The following TNS3 variants were observed in gnomAD, a reference collection of about 807,000 sequenced individuals.
TNS3 encodes the protein tensin 3.
A neutral mutation model predicts 140.9 loss-of-function variants in TNS3; 45 were observed. That is an observed-to-expected ratio of 0.32 (90% CI 0.25 to 0.41). The LOEUF is 0.41. TNS3 is among the 10% of genes least tolerant of loss of function. The pLI is 1.00. For synonymous variants in TNS3, 815 were observed against 788.4 expected (o/e 1.03, Z -0.56); for missense variants, 1,716 against 1,906.7 (o/e 0.90, Z 1.86).
Position 47,318,808 on chromosome 7 carries a change from A to G in TNS3, c.2651-13805T>C, listed in dbSNP as rs138285163. ...CAGAGAAAGCTTCAGGCAGCTCAAGATGATACCGGCGAGGGTCTATGCCAA... is the reference window on the plus strand; with the variant it reads ...CAGAGAAAGCTTCAGGCAGCTCAAGGTGATACCGGCGAGGGTCTATGCCAA... On this transcript the variant is annotated intron_variant, in intron 20 of 30. Transcript: ENST00000311160. 4.0e-3 allele frequency among the ~76,000 whole-genome samples: 605 copies of G among 152,302 alleles called. 1 individual carries two copies. Among genetic ancestry groups the G allele is most frequent in the Non-Finnish European group, 6.2e-3 (421 of 68,028 alleles).
chr7:47,409,394 C>T lies in TNS3; in HGVS notation c.723+2333G>A, dbSNP rs1246058060. ...CCATAAACAGCCCAGGGGAGAGGGC[C>T]GTCCCATGCTCTTGGTGGGCGGTAG... is the stretch of plus-strand genomic sequence containing the variant. On this transcript the variant is annotated intron_variant, in intron 13 of 30. Coordinates refer to ENST00000311160, the MANE Select transcript of TNS3 (RefSeq NM_022748.12). 3.3e-5 allele frequency among the ~76,000 whole-genome samples: 5 copies of T among 152,070 alleles called. No homozygotes were observed. The East Asian group carries it at 7.7e-4, about 24-fold the overall frequency.
intron 4 of TNS3, among the ~76,000 whole-genome samples, chr7:47,467,710 T>C (rs967693937): frequency 6.6e-6 from 1 of 152,116 alleles, no homozygotes; most frequent in Non-Finnish European, 1.5e-5. Flanking sequence ...AATAGGACTA[T>C]TGAGCCACAG....
intron 4 of TNS3, among the ~76,000 whole-genome samples, chr7:47,473,106 A>G (rs987504661): frequency 1.3e-5 from 2 of 152,178 alleles, no homozygotes; most frequent in African/African-American, 2.4e-5. Context: ...TGCCCTGCCA[A>G]TGCCCGAATG....
intron 16 of TNS3, among the ~76,000 whole-genome samples, chr7:47,389,044 A>AGTG (rs1491547467): frequency 1.7e-4 from 5 of 29,760 alleles, no homozygotes; most frequent in African/African-American, 6.0e-4. Flanking sequence ...AAGAAGAAGA[A>AGTG]GAAGAAGAAG....
chr7:47,377,945 G>A (rs2151202476), intron 16 of TNS3, among the ~76,000 whole-genome samples: 1 of 152,210 alleles, frequency 6.6e-6, no homozygotes, highest in East Asian at 1.9e-4. Flanking sequence ...TGATTCATGT[G>A]CACACCTTCC....
chr7:47,359,996 G>A (rs1278371839), intron 17 of TNS3, among the ~76,000 whole-genome samples: 1 of 152,212 alleles, frequency 6.6e-6, no homozygotes, highest in Non-Finnish European at 1.5e-5. Flanking sequence ...CACCAAGGTG[G>A]TAGGGTGGGA....
chr7:47,488,888 G>C (rs1797709212), intron 3 of TNS3, among the ~76,000 whole-genome samples: 2 of 152,132 alleles, frequency 1.3e-5, no homozygotes, highest in African/African-American at 4.8e-5. Context: ...GGGCTAGGTA[G>C]AGGGTTGAAG....
intron 24 of TNS3, 103 bp downstream of exon 24, chr7:47,296,979 T>G: frequency 1.4e-5 from 20 of 1,385,972 alleles, no homozygotes; most frequent in East Asian, 2.5e-5. Flanking sequence ...ATAAAATTTG[T>G]GAGTATTGTT....
chr7:47,511,711 G>A (rs1420863014), intron 2 of TNS3, among the ~76,000 whole-genome samples: 2 of 152,044 alleles, frequency 1.3e-5, no homozygotes, highest in African/African-American at 4.8e-5. Flanking sequence ...AGGGGCTTCT[G>A]GCGAAGGCCT....
intron 15 of TNS3, 141 bp downstream of exon 15, chr7:47,400,252 C>A: frequency 1.3e-6 from 1 of 744,424 alleles, no homozygotes; most frequent in Non-Finnish European, 2.2e-6. Context: ...TATCCAATAT[C>A]CTACATTTAA....
chr7:47,552,719 G>A (rs1562852150), intron 1 of TNS3, among the ~76,000 whole-genome samples: 2 of 152,146 alleles, frequency 1.3e-5, no homozygotes, highest in Non-Finnish European at 2.9e-5. Flanking sequence ...CATATTCCCT[G>A]AGACACAACA....
intron 3 of TNS3, among the ~76,000 whole-genome samples, chr7:47,482,312 A>G (rs1024123962): frequency 1.3e-5 from 2 of 152,194 alleles, no homozygotes; most frequent in African/African-American, 4.8e-5. Flanking sequence ...TACGCAGTCC[A>G]GTCCTCAGGG....
chr7:47,280,172 A>G lies in TNS3; in HGVS notation c.4185T>C (p.Pro1395=), dbSNP rs1785065335. 1.9e-6 allele frequency: 3 copies of G among 1,614,106 alleles called. No individual in the cohort carries two copies. Among genetic ancestry groups the G allele is most frequent in the African/African-American group, 2.7e-5 (2 of 74,946 alleles). The change falls in exon 30 of 31, where the codon CCT becomes CCC. Residue 1395 remains proline, a synonymous_variant. Transcript: ENST00000311160. ...AAATCTCAGCAACTTACTTTGAGGA[A>G]GGGCCATCTTTGATCCACCTTGCAA... The part of the protein sequence containing the change: ...PQDRKWIKDG[P]SSKVFGFVAR...
intron 13 of TNS3, among the ~76,000 whole-genome samples, chr7:47,408,745 T>A (rs940027464): frequency 2.0e-5 from 3 of 152,166 alleles, no homozygotes; most frequent in South Asian, 2.1e-4. Context: ...ACAACGACTT[T>A]CCTTGCAAGA....
chr7:47,465,349 G>C (rs996471048), intron 4 of TNS3, among the ~76,000 whole-genome samples: 2 of 152,170 alleles, frequency 1.3e-5, no homozygotes, highest in African/African-American at 4.8e-5. Context: ...TGCAAGAGGG[G>C]GAAAGGACGC....
intron 4 of TNS3, among the ~76,000 whole-genome samples, chr7:47,454,801 C>T (rs955646305): frequency 6.6e-6 from 1 of 152,172 alleles, no homozygotes; most frequent in African/African-American, 2.4e-5. Context: ...CATAGGCGAG[C>T]AAGTTAGCAA....
chr7:47,384,354 G>A (rs1039504968), intron 16 of TNS3, among the ~76,000 whole-genome samples: 1 of 152,180 alleles, frequency 6.6e-6, no homozygotes, highest in South Asian at 2.1e-4. Flanking sequence ...ATTTCTCTCT[G>A]GAAACTGGTA....
At chr7:47,378,654 C>G (rs925278229) in intron 16 of TNS3, among the ~76,000 whole-genome samples, 1 of 152,202 alleles carries the variant, frequency 6.6e-6, no homozygotes, top group Non-Finnish European at 1.5e-5. Context: ...TCATTAGGCT[C>G]AAACCAAACC....
intron 21 of TNS3, 110 bp downstream of exon 21, chr7:47,304,722 G>A: frequency 1.8e-6 from 2 of 1,137,424 alleles, no homozygotes; most frequent in South Asian, 3.9e-5. Flanking sequence ...TCCCTGCCTG[G>A]TCTAGCTTCA....
Sources: allele counts gnomAD v4.1 joint callset (sites outside exome capture counted in the v4.1 genomes callset), GRCh38; gene constraint gnomAD v4.1.1; transcripts MANE v1.5; gene names NCBI Gene and HGNC (gene_info 2026-07-23, HGNC 2026-07-21).